Variants in SGCZ observed in about 807,000 individuals in gnomAD.
SGCZ encodes sarcoglycan zeta.
A neutral mutation model predicts 41.3 loss-of-function variants in SGCZ; 40 were observed. The observed-to-expected ratio is 0.97, with a 90% CI of 0.75 to 1.26. The LOEUF (loss-of-function observed/expected upper bound fraction) is 1.26. Ranked by LOEUF, SGCZ falls within the 50% of genes most tolerant of loss-of-function variation. The probability of loss-of-function intolerance (pLI) is 0.00; values close to 1 mark genes in which losing one functional copy is unlikely to be tolerated. For missense variants in SGCZ, 552 were observed against 369.8 expected, an observed-to-expected ratio of 1.49 and a Z score of -4.04; for synonymous variants, 206 against 137.5, an observed-to-expected ratio of 1.50 and a Z score of -3.49.
At position 14,583,160 on chromosome 8, in the gene SGCZ, T is replaced by G. The variant is rs1028115313; in HGVS notation, c.40-28234A>C. Among the ~76,000 whole-genome samples the G allele has an allele frequency of 3.1e-3, 467 of 150,810 alleles. 2 individuals carry two copies. Among genetic ancestry groups the G allele is most frequent in the Middle Eastern group, 0.01 (3 of 292 alleles). ...AGTGTTCCTATTTCTCCACATCCTC[T>G]CCAGCACCTGTTGTTTCCTGACTTT... On this transcript the variant is annotated intron_variant, in intron 1 of 7. Coordinates refer to ENST00000382080, the MANE Select transcript of SGCZ (RefSeq NM_139167.4).
intron 1 of SGCZ, among the ~76,000 whole-genome samples, chr8:14,920,375 C>T (rs1260015499): frequency 3.9e-5 from 6 of 152,170 alleles, no homozygotes; most frequent in South Asian, 2.1e-4. Flanking sequence ...GAAAGCTAGA[C>T]AACCTGTTCA....
intron 1 of SGCZ, among the ~76,000 whole-genome samples, chr8:15,058,179 C>T (rs1175180874): frequency 1.3e-5 from 2 of 152,190 alleles, no homozygotes; most frequent in Non-Finnish European, 2.9e-5. Context: ...TAATTTATAA[C>T]AGCAGTATGT....
chr8:14,926,388 G>A (rs1033340954), intron 1 of SGCZ, among the ~76,000 whole-genome samples: 1 of 152,078 alleles, frequency 6.6e-6, no homozygotes, highest in Admixed American at 6.6e-5. Flanking sequence ...AACCATCAAT[G>A]TTAAAAATTC....
intron 1 of SGCZ, among the ~76,000 whole-genome samples, chr8:15,063,171 A>C (rs2131014322): frequency 6.6e-6 from 1 of 152,264 alleles, no homozygotes; most frequent in East Asian, 1.9e-4. Context: ...CTAGTTCGAT[A>C]GACTTCATTT....
intron 5 of SGCZ, among the ~76,000 whole-genome samples, chr8:14,116,607 C>G (rs1470820757): frequency 6.6e-6 from 1 of 151,990 alleles, no homozygotes; most frequent in East Asian, 1.9e-4. Flanking sequence ...GTGTTAATGC[C>G]CAGATAAATT....
chr8:14,308,080 C>G (rs2116989761), intron 3 of SGCZ, among the ~76,000 whole-genome samples: 1 of 152,080 alleles, frequency 6.6e-6, no homozygotes. Context: ...AAAGATTATT[C>G]ATTTTGTCAA....
chr8:14,196,821 T>G (rs1585221648), intron 4 of SGCZ, among the ~76,000 whole-genome samples: 1 of 152,162 alleles, frequency 6.6e-6, no homozygotes, highest in Non-Finnish European at 1.5e-5. Flanking sequence ...GGAAAAATAT[T>G]TGCCATGCTA....
intron 2 of SGCZ, among the ~76,000 whole-genome samples, chr8:14,517,563 T>G: frequency 6.6e-6 from 1 of 152,082 alleles, no homozygotes; most frequent in East Asian, 1.9e-4. Flanking sequence ...TTAGTTTTCT[T>G]ATATGCCAGA....
chr8:15,137,677 T>C (rs1427616530), intron 1 of SGCZ, among the ~76,000 whole-genome samples: 1 of 152,158 alleles, frequency 6.6e-6, no homozygotes, highest in African/African-American at 2.4e-5. Context: ...CATGTGGTGT[T>C]GAGCCTGCAG....
chr8:14,219,963 A>T (rs1806135809), intron 4 of SGCZ, among the ~76,000 whole-genome samples: 1 of 152,166 alleles, frequency 6.6e-6, no homozygotes, highest in Non-Finnish European at 1.5e-5. Context: ...AACAAACTTT[A>T]TTTCTCATTG....
chr8:14,320,428 G>A (rs900278686), intron 3 of SGCZ, among the ~76,000 whole-genome samples: 1 of 150,954 alleles, frequency 6.6e-6, no homozygotes, highest in African/African-American at 2.4e-5. Flanking sequence ...CTTTGTGACT[G>A]AATTCTTTTA....
At chr8:15,159,921 A>G (rs1247286825) in intron 1 of SGCZ, among the ~76,000 whole-genome samples, 1 of 151,814 alleles carries the variant, frequency 6.6e-6, no homozygotes, top group African/African-American at 2.4e-5. Flanking sequence ...GCCAATAGGC[A>G]CTTAGGGGGA....
intron 5 of SGCZ, among the ~76,000 whole-genome samples, chr8:14,120,899 A>G (rs552631965): frequency 4.9e-4 from 75 of 152,250 alleles, no homozygotes; most frequent in African/African-American, 1.7e-3. Flanking sequence ...CAGATCATCA[A>G]TGATAGTTTC....
chr8:15,114,760 T>G (rs567698638), intron 1 of SGCZ, among the ~76,000 whole-genome samples: 13 of 151,762 alleles, frequency 8.6e-5, no homozygotes, highest in South Asian at 2.1e-4. Context: ...CTTTTTGTTT[T>G]TTTTTTTTTC....
chr8:14,417,589 C>T (rs1187124732), intron 2 of SGCZ, among the ~76,000 whole-genome samples: 2 of 151,562 alleles, frequency 1.3e-5, no homozygotes, highest in Non-Finnish European at 2.9e-5. Flanking sequence ...CTAAAATTAC[C>T]TAATTGTCAC....
At chr8:14,417,892 C>A (rs1799538980) in intron 2 of SGCZ, among the ~76,000 whole-genome samples, 2 of 151,638 alleles carry the variant, frequency 1.3e-5, no homozygotes, top group African/African-American at 4.8e-5. Flanking sequence ...GAAAAAAGAA[C>A]CAGATTTTAT....
At chr8:15,110,827 G>C (rs1807020978) in intron 1 of SGCZ, among the ~76,000 whole-genome samples, 1 of 152,092 alleles carries the variant, frequency 6.6e-6, no homozygotes, top group East Asian at 1.9e-4. Context: ...AATTAGCTGG[G>C]CATAGTGGCA....
intron 5 of SGCZ, among the ~76,000 whole-genome samples, chr8:14,132,950 C>T (rs1046183167): frequency 6.6e-6 from 1 of 152,156 alleles, no homozygotes; most frequent in Non-Finnish European, 1.5e-5. Context: ...AACCTCTTTT[C>T]CTTGTGCTCA....
chr8:14,693,291 A>G (rs942402438), intron 1 of SGCZ, among the ~76,000 whole-genome samples: 7 of 94,100 alleles, frequency 7.4e-5, no homozygotes, highest in Non-Finnish European at 1.0e-4. Flanking sequence ...TTAATTGAAT[A>G]CCTTTTTTTT....
Sources: allele counts gnomAD v4.1 joint callset (sites outside exome capture counted in the v4.1 genomes callset), GRCh38; gene constraint gnomAD v4.1.1; transcripts MANE v1.5; gene names NCBI Gene and HGNC (gene_info 2026-07-23, HGNC 2026-07-21).